KIAA0753: variants seen among roughly 807,000 people sequenced by gnomAD.
KIAA0753 encodes the protein protein moonraker.
KIAA0753 carries 114 observed loss-of-function variants against 116.9 expected under a neutral mutation model. That is an observed-to-expected ratio of 0.98 (90% CI 0.84 to 1.14). KIAA0753 has a LOEUF of 1.14. KIAA0753 is among the 50% of genes most tolerant of loss of function. KIAA0753 has a pLI of 0.00. For missense variants in KIAA0753, 1,156 were observed against 1,172.4 expected (o/e 0.99, Z 0.20); for synonymous variants, 405 against 413.1 (o/e 0.98, Z 0.24).
intron 15 of KIAA0753, among the ~76,000 whole-genome samples, 161 bp from the exon 16 acceptor site, chr17:6,595,214 A>C (rs1334469330): frequency 6.6e-6 from 1 of 152,234 alleles, no homozygotes; most frequent in Non-Finnish European, 1.5e-5. Flanking sequence ...CATGAGACGA[A>C]GTCTAAAATA....
intron 7 of KIAA0753, among the ~76,000 whole-genome samples, chr17:6,613,683 G>GA (rs909109248): frequency 6.6e-5 from 10 of 151,888 alleles, no homozygotes; most frequent in African/African-American, 1.9e-4. Context: ...CATCCACAGA[G>GA]AAAAAAATAA....
chr17:6,585,642 A>G (rs1033051789), intron 18 of KIAA0753, among the ~76,000 whole-genome samples: 1 of 152,130 alleles, frequency 6.6e-6, no homozygotes, highest in East Asian at 1.9e-4. Flanking sequence ...AGTTTACTTG[A>G]GCCATCATGT....
chr17:6,632,562 T>G (rs1210634355), intron 2 of KIAA0753, among the ~76,000 whole-genome samples: 1 of 152,186 alleles, frequency 6.6e-6, no homozygotes, highest in African/African-American at 2.4e-5. Flanking sequence ...TGGTGAAAGT[T>G]TGAGGTGTTA....
intron 10 of KIAA0753, 34 bp downstream of exon 10, chr17:6,608,314 A>T: frequency 9.3e-7 from 1 of 1,072,678 alleles, no homozygotes; most frequent in Non-Finnish European, 1.3e-6. Context: ...GGAGCTCTTT[A>T]ATTCTCAAAG....
chr17:6,626,518 T>C (rs575989123), intron 3 of KIAA0753, among the ~76,000 whole-genome samples: 30 of 152,012 alleles, frequency 2.0e-4, no homozygotes, highest in African/African-American at 7.0e-4. Context: ...TGAACATAAA[T>C]GGAACGGGCT....
At chr17:6,599,465 T>C (rs755723813) in intron 13 of KIAA0753, 145 bp from the exon 14 acceptor site, 8 of 614,556 alleles carry the variant, frequency 1.3e-5, no homozygotes, top group Non-Finnish European at 2.0e-5. Flanking sequence ...TCAAAGCACT[T>C]TGTCTTCATG....
rs1969375977 is a variant in KIAA0753, at chr17:6,595,150, G to C, written c.2359-97C>G. On this transcript the variant is annotated intron_variant, in intron 15 of 18. Coordinates refer to ENST00000361413, the MANE Select transcript of KIAA0753 (RefSeq NM_014804.3). Reference sequence around the variant, plus strand: ...ATGTAAAAGTTCAGCAGACACAACTGATACGGACGTACTGCCAGACATGGG... The same window carrying C: ...ATGTAAAAGTTCAGCAGACACAACTCATACGGACGTACTGCCAGACATGGG... The C allele has an allele frequency of 5.1e-6, 4 of 781,206 alleles. No individual in the cohort carries two copies. The South Asian group carries it at 6.5e-5, about 13-fold the overall frequency. 48.4% of individuals were successfully genotyped at this position (781,206 alleles called of 1,614,324 possible).
At chr17:6,630,469 T>A (rs1971958476) in intron 2 of KIAA0753, among the ~76,000 whole-genome samples, 2 of 151,964 alleles carry the variant, frequency 1.3e-5, no homozygotes, top group Admixed American at 6.6e-5. Context: ...TTTTTTTAAT[T>A]AAAAAGATTT....
intron 14 of KIAA0753, among the ~76,000 whole-genome samples, chr17:6,598,018 A>G (rs1336110601): frequency 1.3e-5 from 2 of 152,240 alleles, no homozygotes; most frequent in African/African-American, 2.4e-5. Context: ...TAAATACTAC[A>G]CAGAGTTACT....
At chr17:6,627,495 G>T (rs1367177868) in intron 3 of KIAA0753, among the ~76,000 whole-genome samples, 2 of 151,726 alleles carry the variant, frequency 1.3e-5, no homozygotes, top group Admixed American at 6.6e-5. Context: ...TTCCCTACTT[G>T]TTAGTTACGG....
intron 7 of KIAA0753, among the ~76,000 whole-genome samples, chr17:6,615,630 A>AC (rs1237464619): frequency 4.0e-5 from 6 of 151,128 alleles, no homozygotes; most frequent in Admixed American, 2.6e-4. Flanking sequence ...AAAAAAAAAA[A>AC]AAAAAAAAAA....
chr17:6,625,343 TAATAGAG>T (rs1763443319), intron 3 of KIAA0753, among the ~76,000 whole-genome samples: 5 of 152,162 alleles, frequency 3.3e-5, no homozygotes, highest in Admixed American at 2.6e-4. Flanking sequence ...CTTTGCTGTT[TAATAGAG>T]AATAATCAAA....
At chr17:6,595,144 A>T in intron 15 of KIAA0753, 91 bp from the exon 16 acceptor site, 2 of 845,150 alleles carry the variant, frequency 2.4e-6, no homozygotes, top group Non-Finnish European at 3.9e-6. Context: ...TTCAGCAGAC[A>T]CAACTGATAC....
At chr17:6,614,946 G>A (rs1177779524) in intron 7 of KIAA0753, among the ~76,000 whole-genome samples, 1 of 152,144 alleles carries the variant, frequency 6.6e-6, no homozygotes, top group Non-Finnish European at 1.5e-5. Flanking sequence ...TTACAGGCAT[G>A]TGCCACCACG....
intron 18 of KIAA0753, among the ~76,000 whole-genome samples, chr17:6,586,654 T>C (rs1035502179): frequency 6.6e-6 from 1 of 152,232 alleles, no homozygotes; most frequent in African/African-American, 2.4e-5. Context: ...ATTCACTTGA[T>C]TGTTTTTCAA....
chr17:6,583,189 A>G (rs1278229591), intron 18 of KIAA0753, among the ~76,000 whole-genome samples: 6 of 152,196 alleles, frequency 3.9e-5, no homozygotes, highest in Non-Finnish European at 8.8e-5. Flanking sequence ...TTAGAACTCC[A>G]GACTGGTAGT....
At chr17:6,613,605 A>G (rs1033366250) in intron 7 of KIAA0753, among the ~76,000 whole-genome samples, 1 of 152,218 alleles carries the variant, frequency 6.6e-6, no homozygotes, top group Non-Finnish European at 1.5e-5. Context: ...CATGGACGTG[A>G]CAAAGGCAGC....
intron 14 of KIAA0753, among the ~76,000 whole-genome samples, chr17:6,596,665 G>C (rs1969507611): frequency 6.6e-6 from 1 of 152,154 alleles, no homozygotes; most frequent in African/African-American, 2.4e-5. Flanking sequence ...GCTACATTCA[G>C]GAGAATGTCC....
chr17:6,623,570 A>G lies in KIAA0753; in HGVS notation c.827T>C (p.Val276Ala), dbSNP rs1262973848. 1 of 1,609,690 alleles carries G rather than the reference A, an allele frequency of 6.2e-7. No individual in the cohort carries two copies. The highest frequency in any genetic ancestry group is 2.2e-5 in the East Asian group (1 of 44,770). Reference sequence around the variant, plus strand: ...ATCCAATTCTTCCTGGATTTCTTTTACCTGTTTTGTAAAGGGGAAAAAAGA... The same window carrying G: ...ATCCAATTCTTCCTGGATTTCTTTTGCCTGTTTTGTAAAGGGGAAAAAAGA... ...ARMLYVLQQQ[V>A]KEIQEELDKL... is the part of the protein sequence containing the mutation. The change falls in exon 5 of 19, where the codon GTA becomes GCA. Residue 276 changes from valine (V) to alanine (A), a missense_variant and splice_region_variant. Transcript: ENST00000361413.
Sources: gnomAD v4.1 joint callset for allele counts (sites outside exome capture counted in the v4.1 genomes callset) on GRCh38, gnomAD v4.1.1 for gene constraint, MANE v1.5 for transcripts, NCBI Gene and HGNC (gene_info 2026-07-23, HGNC 2026-07-21) for gene names.